The following PCCB variants were observed in gnomAD, a reference collection of about 807,000 sequenced individuals.
PCCB encodes the protein propionyl-CoA carboxylase subunit beta, also known as propionyl-CoA carboxylase beta chain, mitochondrial.
Under a neutral mutation model 60.7 loss-of-function variants are expected in PCCB, and 43 were observed. The ratio of observed to expected loss-of-function variants is 0.71; its 90% confidence interval spans 0.55 to 0.91. PCCB has a LOEUF of 0.91. Ranked by LOEUF, PCCB falls within the 40% of genes least tolerant of loss-of-function variation. The pLI, the probability that PCCB is intolerant of heterozygous loss-of-function variation, is 0.00. For missense variants in PCCB, 766 were observed against 702.8 expected, an observed-to-expected ratio of 1.09 and a Z score of -1.02; for synonymous variants, 276 against 255.9, an observed-to-expected ratio of 1.08 and a Z score of -0.75.
At chr3:136,268,764 C>T (rs992964226) in intron 5 of PCCB, among the ~76,000 whole-genome samples, 5 of 151,904 alleles carry the variant, frequency 3.3e-5, no homozygotes, top group Non-Finnish European at 5.9e-5. Flanking sequence ...GCACCCAGCC[C>T]GATCAGCTCT....
chr3:136,321,367 C>G (rs562727076), intron 10 of PCCB, among the ~76,000 whole-genome samples: 6 of 152,274 alleles, frequency 3.9e-5, no homozygotes, highest in Admixed American at 3.3e-4. Flanking sequence ...TGTTTTCACA[C>G]TGCTATAAAG....
At chr3:136,286,670 T>C (rs1933425648) in intron 6 of PCCB, among the ~76,000 whole-genome samples, 1 of 152,156 alleles carries the variant, frequency 6.6e-6, no homozygotes, top group African/African-American at 2.4e-5. Context: ...TACTTCTTAC[T>C]AACAAAACTG....
intron 9 of PCCB, among the ~76,000 whole-genome samples, chr3:136,315,939 G>A (rs952254356): frequency 6.6e-6 from 1 of 150,698 alleles, no homozygotes; most frequent in Non-Finnish European, 1.5e-5. Context: ...GAGAGTGATG[G>A]TCGGGCACAG....
chr3:136,310,938 T>C (rs1167775430), intron 9 of PCCB, among the ~76,000 whole-genome samples: 1 of 152,170 alleles, frequency 6.6e-6, no homozygotes, highest in East Asian at 1.9e-4. Flanking sequence ...CTTAATGTAA[T>C]AAAATTTGGT....
intron 10 of PCCB, among the ~76,000 whole-genome samples, chr3:136,324,607 T>C (rs1446020483): frequency 6.6e-6 from 1 of 152,160 alleles, no homozygotes; most frequent in Non-Finnish European, 1.5e-5. Flanking sequence ...GTTTTTTTTT[T>C]CTCCCATATC....
intron 9 of PCCB, among the ~76,000 whole-genome samples, chr3:136,306,003 C>T (rs1934443622): frequency 8.2e-6 from 1 of 121,844 alleles, no homozygotes; most frequent in Non-Finnish European, 1.8e-5. Context: ...ACATCTTTCC[C>T]CATCACCCTC....
intron 4 of PCCB, 36 bp from the exon 5 acceptor site, chr3:136,261,916 C>A: frequency 7.4e-7 from 1 of 1,351,942 alleles, no homozygotes; most frequent in Non-Finnish European, 1.0e-6. Context: ...ATATCAAGAA[C>A]ATTTGTCTCA....
intron 5 of PCCB, among the ~76,000 whole-genome samples, chr3:136,266,129 T>A (rs1941976967): frequency 6.7e-6 from 1 of 148,354 alleles, no homozygotes; most frequent in Admixed American, 6.7e-5. Flanking sequence ...TGCCCAGCCT[T>A]GGTTTTTTTT....
intron 1 of PCCB, among the ~76,000 whole-genome samples, chr3:136,253,097 T>TG (rs1941565419): frequency 2.1e-5 from 3 of 142,180 alleles, no homozygotes; most frequent in Non-Finnish European, 3.1e-5. Context: ...TTTTTTTTTT[T>TG]TTTTTTTTTT....
intron 9 of PCCB, among the ~76,000 whole-genome samples, chr3:136,312,257 T>A (rs1421411727): frequency 6.6e-6 from 1 of 152,242 alleles, no homozygotes; most frequent in Admixed American, 6.5e-5. Context: ...TGGTATAACC[T>A]ATTACACACC....
chr3:136,283,845 T>C lies in PCCB; in HGVS notation c.552T>C (p.Val184=). The change falls in exon 6 of 15, where the codon GTT becomes GTC. Residue 184 remains valine, a synonymous_variant. Transcript: ENST00000251654. ...CTTTTCTGTTTTGGCAGAGGAATGT[T>C]ACGGCATCCGGAGTCATCCCTCAGA... The part of the protein sequence containing the change: ...AGYADIFLRN[V]TASGVIPQIS... 1.2e-6 allele frequency: 2 copies of C among 1,611,404 alleles called. No individual in the cohort carries two copies. The highest frequency in any genetic ancestry group is 1.7e-6 in the Non-Finnish European group (2 of 1,177,566).
chr3:136,252,294 G>C (rs1183628469), intron 1 of PCCB: 3 of 455,564 alleles, frequency 6.6e-6, no homozygotes, highest in Non-Finnish European at 1.3e-5. Context: ...AGTTCACTCT[G>C]TTGCCCAGGC....
intron 1 of PCCB, among the ~76,000 whole-genome samples, chr3:136,250,931 AAC>A (rs1468403227): frequency 6.6e-6 from 1 of 152,142 alleles, no homozygotes; most frequent in Admixed American, 6.5e-5. Context: ...GCTCAGTAAA[AAC>A]CATGTGCTTA....
intron 6 of PCCB, among the ~76,000 whole-genome samples, chr3:136,291,794 T>C (rs1933705024): frequency 6.6e-6 from 1 of 152,168 alleles, no homozygotes; most frequent in Non-Finnish European, 1.5e-5. Flanking sequence ...GGTCTTTTTT[T>C]CCCCCATGCA....
chr3:136,300,929 G>C lies in PCCB; in HGVS notation c.885-101G>C. The C allele has an allele frequency of 3.6e-6, 3 of 825,260 alleles. No homozygotes were observed. The South Asian group carries it at 4.2e-5, about 12-fold the overall frequency. The allele number at this position is 825,260 out of a possible 1,614,324, so 51.1% of individuals were successfully genotyped here. A position where few individuals can be genotyped will look rare whatever the true frequency, so the allele number is the denominator to read the frequency against. On this transcript the variant is annotated intron_variant, in intron 8 of 14. Transcript: ENST00000251654. ...GCCCAGCAGGGACAGAACTGGCCCA[G>C]TCCCTATGACGTGTCACCCCATTTC...
At chr3:136,322,915 T>G (rs914349712) in intron 10 of PCCB, among the ~76,000 whole-genome samples, 7 of 152,136 alleles carry the variant, frequency 4.6e-5, no homozygotes, top group African/African-American at 1.7e-4. Flanking sequence ...ATTTTAAATA[T>G]GTTATCCTGC....
rs761472260 is a variant in PCCB, at chr3:136,293,809, T to C, written c.708T>C (p.Asn236=). The change falls in exon 7 of 15, where the codon AAT becomes AAC. Residue 236 remains asparagine (N), a synonymous_variant. Transcript: ENST00000251654. ...TGPDVVKSVT[N]EDVTQEELGG... is the part of the protein sequence containing the mutation. ...CTGATGTTGTGAAGTCTGTCACCAA[T>C]GAGGATGTTACCCAGGAGGAGCTCG... 6.2e-7 allele frequency: 1 copy of C among 1,613,716 alleles called. No homozygotes were observed. Among genetic ancestry groups the C allele is most frequent in the Non-Finnish European group, 8.5e-7 (1 of 1,179,630 alleles).
intron 10 of PCCB, among the ~76,000 whole-genome samples, chr3:136,317,805 TG>T (rs1934963619): frequency 6.6e-6 from 1 of 152,238 alleles, no homozygotes. Context: ...TTACCATGTC[TG>T]TGCCCCACAG....
chr3:136,277,073 C>G (rs117338795), intron 5 of PCCB, among the ~76,000 whole-genome samples: 1,757 of 152,280 alleles, frequency 0.012, 32 homozygotes, highest in East Asian at 0.046. Context: ...GTCCTCAAGT[C>G]TCCCAGCAAG....
Sources: gnomAD v4.1 joint callset for allele counts (sites outside exome capture counted in the v4.1 genomes callset) on GRCh38, gnomAD v4.1.1 for gene constraint, MANE v1.5 for transcripts, NCBI Gene and HGNC (gene_info 2026-07-23, HGNC 2026-07-21) for gene names.